ADGRB3: variants seen among roughly 807,000 people sequenced by gnomAD.
ADGRB3 encodes adhesion G protein-coupled receptor B3.
In ADGRB3, 37 loss-of-function variants were observed where a neutral mutation model predicts 193.4. That is an observed-to-expected ratio of 0.19 (90% CI 0.15 to 0.25). The LOEUF is 0.25. Among genes scored for constraint, ADGRB3 ranks in the 10% least tolerant of loss-of-function variants. ADGRB3 has a pLI of 1.00. For synonymous variants in ADGRB3, 690 were observed against 644.2 expected, an observed-to-expected ratio of 1.07 and a Z score of -1.08; for missense variants, 1,637 against 1,852.9, an observed-to-expected ratio of 0.88 and a Z score of 2.14.
At chr6:68,726,646 C>G (rs940955579) in intron 3 of ADGRB3, among the ~76,000 whole-genome samples, 15 of 151,474 alleles carry the variant, frequency 9.9e-5, no homozygotes, top group African/African-American at 3.6e-4. Context: ...ATAAAGGATA[C>G]AAAATATTTA....
At chr6:69,277,888 A>T (rs1409557213) in intron 20 of ADGRB3, among the ~76,000 whole-genome samples, 1 of 152,228 alleles carries the variant, frequency 6.6e-6, no homozygotes, top group Non-Finnish European at 1.5e-5. Flanking sequence ...ATGATATACT[A>T]CAAGTGAAAT....
intron 3 of ADGRB3, among the ~76,000 whole-genome samples, chr6:68,679,903 A>G (rs773837843): frequency 1.3e-5 from 2 of 152,216 alleles, no homozygotes; most frequent in Non-Finnish European, 2.9e-5. Flanking sequence ...TGGTCTGAAT[A>G]TAACCTCTTA....
chr6:69,096,844 C>G (rs559905961), intron 17 of ADGRB3, among the ~76,000 whole-genome samples: 12 of 152,248 alleles, frequency 7.9e-5, no homozygotes, highest in African/African-American at 2.9e-4. Flanking sequence ...AGGTTTTTCT[C>G]ATGTGTTTCA....
At chr6:68,821,587 TA>T (rs952084724) in intron 3 of ADGRB3, among the ~76,000 whole-genome samples, 240 of 149,022 alleles carry the variant, frequency 1.6e-3, no homozygotes, top group African/African-American at 4.7e-3. Context: ...TTTGTTTCTA[TA>T]AAAAAAAAAT....
intron 17 of ADGRB3, among the ~76,000 whole-genome samples, chr6:69,203,511 T>C (rs1326956642): frequency 6.6e-6 from 1 of 152,044 alleles, no homozygotes; most frequent in Non-Finnish European, 1.5e-5. Flanking sequence ...CTATGAATTA[T>C]TGGAGTTGGT....
At chr6:69,145,428 T>C (rs563053861) in intron 17 of ADGRB3, among the ~76,000 whole-genome samples, 5 of 152,160 alleles carry the variant, frequency 3.3e-5, no homozygotes, top group Non-Finnish European at 5.9e-5. Context: ...CCCAAAGGGG[T>C]GTCACAGCCC....
chr6:69,117,927 C>T (rs1773579779), intron 17 of ADGRB3, among the ~76,000 whole-genome samples: 1 of 152,202 alleles, frequency 6.6e-6, no homozygotes, highest in South Asian at 2.1e-4. Flanking sequence ...AAGATAGTAG[C>T]ACTGTCTGAT....
chr6:69,197,698 T>G (rs1035886086), intron 17 of ADGRB3, among the ~76,000 whole-genome samples: 7 of 152,102 alleles, frequency 4.6e-5, no homozygotes, highest in East Asian at 3.9e-4. Flanking sequence ...TGGAGTCAGA[T>G]GTAGATTAAA....
intron 16 of ADGRB3, among the ~76,000 whole-genome samples, chr6:69,065,764 TACACACACACACAC>T (rs3043304): frequency 7.7e-6 from 1 of 129,210 alleles, no homozygotes; most frequent in Non-Finnish European, 1.7e-5. Flanking sequence ...TGTATATATA[TACACACACACACAC>T]ACACACACAC....
chr6:69,007,019 T>A (rs891279051), intron 11 of ADGRB3, among the ~76,000 whole-genome samples: 1 of 152,058 alleles, frequency 6.6e-6, no homozygotes, highest in Non-Finnish European at 1.5e-5. Context: ...GCCCACTGGG[T>A]CTCTTTTCTT....
intron 17 of ADGRB3, among the ~76,000 whole-genome samples, chr6:69,146,096 C>T (rs1460101901): frequency 4.6e-5 from 7 of 152,138 alleles, no homozygotes; most frequent in African/African-American, 1.7e-4. Context: ...CTACTTGCCT[C>T]GTACCACTTT....
intron 3 of ADGRB3, among the ~76,000 whole-genome samples, chr6:68,866,996 A>C (rs62416371): frequency 0.29 from 43,680 of 152,172 alleles, 7,074 homozygotes; most frequent in Middle Eastern, 0.52. Context: ...AAAAATTTGC[A>C]GACTGACCAT....
chr6:69,018,631 A>G (rs764555190), intron 13 of ADGRB3, 132 bp downstream of exon 13: 2 of 596,308 alleles, frequency 3.4e-6, no homozygotes, highest in Non-Finnish European at 5.8e-6. Context: ...TATTTCTAAT[A>G]CTTGGTATCT....
At chr6:68,900,994 C>T (rs768411088) in intron 3 of ADGRB3, among the ~76,000 whole-genome samples, 1 of 152,146 alleles carries the variant, frequency 6.6e-6, no homozygotes, top group African/African-American at 2.4e-5. Flanking sequence ...GCTAATAGTT[C>T]CATGCTCATG....
chr6:69,308,167 C>T (rs190488418), intron 20 of ADGRB3, among the ~76,000 whole-genome samples: 2 of 151,548 alleles, frequency 1.3e-5, no homozygotes, highest in Admixed American at 6.6e-5. Context: ...ATAAATCAAA[C>T]TGCGTGAGTT....
intron 3 of ADGRB3, among the ~76,000 whole-genome samples, chr6:68,701,914 A>G (rs1456833643): frequency 6.6e-6 from 1 of 152,204 alleles, no homozygotes; most frequent in Non-Finnish European, 1.5e-5. Context: ...TTATAAACAT[A>G]TGAAGATTTT....
At chr6:69,142,594 G>A (rs1196335294) in intron 17 of ADGRB3, among the ~76,000 whole-genome samples, 1 of 152,178 alleles carries the variant, frequency 6.6e-6, no homozygotes, top group Non-Finnish European at 1.5e-5. Context: ...GCCTATCGCT[G>A]AGGATGAAAA....
At chr6:68,961,214 G>T (rs780766837) in intron 8 of ADGRB3, among the ~76,000 whole-genome samples, 3 of 152,086 alleles carry the variant, frequency 2.0e-5, no homozygotes, top group Non-Finnish European at 4.4e-5. Flanking sequence ...AAGAAAGATG[G>T]TTTAGTCATT....
chr6:69,175,376 C>A (rs1775393038), intron 17 of ADGRB3, among the ~76,000 whole-genome samples: 1 of 152,204 alleles, frequency 6.6e-6, no homozygotes, highest in Admixed American at 6.5e-5. Context: ...GCCATCCCAG[C>A]ACTATTTATT....
Sources: allele counts gnomAD v4.1 joint callset (sites outside exome capture counted in the v4.1 genomes callset), GRCh38; gene constraint gnomAD v4.1.1; transcripts MANE v1.5; gene names NCBI Gene and HGNC (gene_info 2026-07-23, HGNC 2026-07-21).